The following INSC variants were observed in gnomAD, a reference collection of about 807,000 sequenced individuals.
The protein encoded by INSC is protein inscuteable homolog.
A neutral mutation model predicts 58.6 loss-of-function variants in INSC; 67 were observed. That is an observed-to-expected ratio of 1.14 (90% confidence interval 0.94 to 1.40). The LOEUF is 1.40. INSC is among the 40% of genes most tolerant of loss of function. The probability of loss-of-function intolerance (pLI) is 0.00; values close to 1 mark genes in which losing one functional copy is unlikely to be tolerated. For missense variants in INSC, 714 were observed against 692.0 expected, an observed-to-expected ratio of 1.03 and a Z score of -0.36; for synonymous variants, 262 against 276.1, an observed-to-expected ratio of 0.95 and a Z score of 0.51.
rs1849644160 is a variant in INSC, at chr11:15,178,331, C to T, written c.463C>T (p.Gln155Ter). The T allele has an allele frequency of 1.2e-6, 2 of 1,613,818 alleles. No homozygotes were observed. The highest frequency in any genetic ancestry group is 1.3e-5 in the African/African-American group (1 of 74,908). Residue 155 changes from glutamine to a stop codon, truncating the protein, a stop_gained, in exon 5 of 13, where the codon CAG becomes TAG. Transcript: ENST00000379556. LOFTEE classifies it high-confidence loss of function. The part of the protein sequence containing the change: ...ELSAVTERCL[Q>*]VENEHVLKSM... ...ATGGTTTCTTCTCTTCAGGTGCCTT[C>T]AGGTTGAGAATGAGCATGTCCTGAA...
At chr11:15,251,608 T>A (rs556245431), downstream of INSC, among the ~76,000 whole-genome samples, 3 of 152,290 alleles carry the variant, frequency 2.0e-5, no homozygotes, top group Admixed American at 6.5e-5. Context: ...TAGATATCTC[T>A]CCAAAGGAGG....
At chr11:15,160,855 C>A (rs1372304883) in intron 2 of INSC, among the ~76,000 whole-genome samples, 1 of 152,158 alleles carries the variant, frequency 6.6e-6, no homozygotes, top group Non-Finnish European at 1.5e-5. Context: ...GTGGTGAGAG[C>A]ACAGACTTTG....
intron 2 of INSC, among the ~76,000 whole-genome samples, chr11:15,158,672 A>T (rs1182398685): frequency 6.7e-6 from 1 of 149,912 alleles, no homozygotes; most frequent in African/African-American, 2.4e-5. Flanking sequence ...TTATTTACTC[A>T]CCATGTGACC....
chr11:15,122,572 T>C (rs547523375), intron 1 of INSC, among the ~76,000 whole-genome samples: 1 of 152,384 alleles, frequency 6.6e-6, no homozygotes, highest in South Asian at 2.1e-4. Context: ...TTTCGTTGAA[T>C]GACTCCTTCG....
the INSC span, among the ~76,000 whole-genome samples, chr11:15,263,023 A>T: frequency 6.6e-6 from 1 of 152,174 alleles, no homozygotes; most frequent in Non-Finnish European, 1.5e-5. Flanking sequence ...ATGACCAGAT[A>T]GATTTAAAAT....
intron 7 of INSC, 58 bp from the exon 8 acceptor site, chr11:15,221,419 T>A: frequency 6.5e-7 from 1 of 1,542,488 alleles, no homozygotes; most frequent in East Asian, 2.3e-5. Flanking sequence ...CTCATTAATG[T>A]CATGGGCAGT....
chr11:15,268,251 A>G, the INSC span, among the ~76,000 whole-genome samples: 2 of 152,186 alleles, frequency 1.3e-5, no homozygotes, highest in East Asian at 3.9e-4. Context: ...AGTCCCTGTT[A>G]CTACATCTTG....
chr11:15,236,073 A>C (rs985459266), intron 10 of INSC, among the ~76,000 whole-genome samples: 1 of 151,772 alleles, frequency 6.6e-6, no homozygotes, highest in Non-Finnish European at 1.5e-5. Flanking sequence ...AAAAAAAAAA[A>C]AAAAATAGGT....
Position 15,177,129 on chromosome 11 carries a change from G to A in INSC, c.421G>A (p.Glu141Lys). 1 of 1,614,054 alleles carries A rather than the reference G, an allele frequency of 6.2e-7. No homozygotes were observed. The highest frequency in any genetic ancestry group is 8.5e-7 in the Non-Finnish European group (1 of 1,179,986). The stretch of plus-strand genomic sequence containing the variant: ...TCTACAGATTGAGAAGCTGCTAATG[G>A]AGAAATGCTCGGAGCTCTCGGCAGT... The part of the protein sequence containing the change: ...EMGEIEKLLM[E>K]KCSELSAVTE... Residue 141 changes from glutamate (E) to lysine (K), a missense_variant, in exon 4 of 13, where the codon GAG becomes AAG. Transcript: ENST00000379556.
intron 2 of INSC, among the ~76,000 whole-genome samples, chr11:15,161,357 AT>A (rs1421605285): frequency 4.6e-5 from 7 of 152,248 alleles, no homozygotes; most frequent in African/African-American, 1.7e-4. Context: ...AGAAAATGAT[AT>A]GGAACACCAA....
intron 1 of INSC, among the ~76,000 whole-genome samples, chr11:15,129,434 G>C (rs183930457): frequency 2.0e-5 from 3 of 152,148 alleles, no homozygotes; most frequent in African/African-American, 7.2e-5. Context: ...ATCCTATAGG[G>C]AATTGATTGG....
intron 8 of INSC, among the ~76,000 whole-genome samples, chr11:15,222,446 A>G (rs1247250164): frequency 6.6e-6 from 1 of 152,174 alleles, no homozygotes; most frequent in African/African-American, 2.4e-5. Context: ...CAGGGCTGGG[A>G]ATATCTGAAA....
intron 9 of INSC, 82 bp from the exon 10 acceptor site, chr11:15,235,520 G>A: frequency 3.9e-6 from 4 of 1,030,108 alleles, no homozygotes; most frequent in Non-Finnish European, 6.2e-6. Context: ...AAGCTTTGTA[G>A]CCCCTGGCTG....
At chr11:15,121,033 T>C (rs2133685422) in intron 1 of INSC, among the ~76,000 whole-genome samples, 1 of 146,152 alleles carries the variant, frequency 6.8e-6, no homozygotes, top group South Asian at 2.2e-4. Flanking sequence ...ATTTTTATAA[T>C]ATATTTATTG....
chr11:15,238,446 CT>C (rs1852214291), intron 10 of INSC, among the ~76,000 whole-genome samples: 1 of 152,136 alleles, frequency 6.6e-6, no homozygotes, highest in East Asian at 1.9e-4. Flanking sequence ...AACCAGTTAT[CT>C]GAGTTTCTTT....
chr11:15,190,501 A>G (rs1850123559), intron 5 of INSC, among the ~76,000 whole-genome samples, 200 bp from the exon 6 acceptor site: 1 of 152,206 alleles, frequency 6.6e-6, no homozygotes, highest in South Asian at 2.1e-4. Context: ...CCATATCTCT[A>G]AAATGTAGCT....
chr11:15,225,000 C>T (rs1272589972), intron 8 of INSC, among the ~76,000 whole-genome samples: 1 of 152,178 alleles, frequency 6.6e-6, no homozygotes, highest in Non-Finnish European at 1.5e-5. Flanking sequence ...TTAGTCTCTT[C>T]CTTAAGGCAA....
At chr11:15,161,739 GC>G (rs1849027341) in intron 2 of INSC, among the ~76,000 whole-genome samples, 1 of 152,280 alleles carries the variant, frequency 6.6e-6, no homozygotes, top group African/African-American at 2.4e-5. Flanking sequence ...TTACGTAAAA[GC>G]CCCCATGCAC....
chr11:15,136,103 G>GCAATAAAGC (rs1282813040), intron 1 of INSC, among the ~76,000 whole-genome samples: 5 of 152,180 alleles, frequency 3.3e-5, no homozygotes, highest in African/African-American at 1.2e-4. Flanking sequence ...CCAGACCACT[G>GCAATAAAGC]CAATAAAGCC....
Sources: gnomAD v4.1 joint callset for allele counts (sites outside exome capture counted in the v4.1 genomes callset) on GRCh38, gnomAD v4.1.1 for gene constraint, MANE v1.5 for transcripts, NCBI Gene and HGNC (gene_info 2026-07-23, HGNC 2026-07-21) for gene names.